FOCAD: variants seen among roughly 807,000 people sequenced by gnomAD.
FOCAD encodes focadhesin, also known as KIAA1797.
In FOCAD, 198 loss-of-function variants were observed where a neutral mutation model predicts 225.6. The ratio of observed to expected loss-of-function variants is 0.88; its 90% confidence interval spans 0.78 to 0.99. The LOEUF is 0.99. FOCAD is among the 50% of genes least tolerant of loss of function. FOCAD has a pLI of 0.00. For synonymous variants in FOCAD, 897 were observed against 755.0 expected (o/e 1.19, Z -3.08); for missense variants, 2,713 against 2,123.6 (o/e 1.28, Z -5.46).
At chr9:20,976,197 A>G (rs1047375765) in intron 35 of FOCAD, 3 of 249,320 alleles carry the variant, frequency 1.2e-5, no homozygotes, top group Non-Finnish European at 2.3e-5. Flanking sequence ...ATTATATATT[A>G]TTGAAAAATT....
intron 15 of FOCAD, among the ~76,000 whole-genome samples, chr9:20,827,400 A>G (rs1465730207): frequency 6.6e-6 from 1 of 152,074 alleles, no homozygotes; most frequent in Non-Finnish European, 1.5e-5. Context: ...ATTGTTGAAT[A>G]TTATTCTGTT....
intron 11 of FOCAD, among the ~76,000 whole-genome samples, chr9:20,802,037 A>G (rs1821897283): frequency 6.6e-6 from 1 of 152,140 alleles, no homozygotes; most frequent in Non-Finnish European, 1.5e-5. Context: ...AGTTAATGTA[A>G]TGAAGTTGGG....
intron 21 of FOCAD, among the ~76,000 whole-genome samples, chr9:20,888,634 C>G (rs981710921): frequency 2.0e-5 from 3 of 152,012 alleles, no homozygotes; most frequent in African/African-American, 7.3e-5. Flanking sequence ...TTGGCTACGT[C>G]CCCATCCAAA....
chr9:20,801,581 TA>T (rs1366807437), intron 11 of FOCAD, among the ~76,000 whole-genome samples: 8 of 152,140 alleles, frequency 5.3e-5, no homozygotes, highest in Non-Finnish European at 1.0e-4. Context: ...AAAGTCATAA[TA>T]GGGGCCATTT....
At chr9:20,795,858 G>A (rs1821032604) in intron 11 of FOCAD, among the ~76,000 whole-genome samples, 4 of 147,396 alleles carry the variant, frequency 2.7e-5, no homozygotes, top group South Asian at 4.4e-4. Context: ...TATACTTTAA[G>A]TTTTAGGGTT....
intron 2 of FOCAD, 78 bp from the exon 3 acceptor site, chr9:20,717,716 C>T (rs1197388192): frequency 1.8e-6 from 2 of 1,097,436 alleles, no homozygotes; most frequent in Non-Finnish European, 1.3e-6. Context: ...GACTGCCTGG[C>T]ATACTCATAT....
At chr9:20,786,154 GT>G (rs1197279732) in intron 10 of FOCAD, among the ~76,000 whole-genome samples, 2 of 151,958 alleles carry the variant, frequency 1.3e-5, no homozygotes, top group African/African-American at 4.8e-5. Flanking sequence ...CTTTCATTTT[GT>G]TTTCTTTCTT....
intron 22 of FOCAD, among the ~76,000 whole-genome samples, chr9:20,909,430 T>G (rs1336142774): frequency 1.1e-4 from 17 of 152,090 alleles, no homozygotes; most frequent in Admixed American, 1.1e-3. Context: ...CGGTTATTAA[T>G]TGTTATAATG....
upstream of FOCAD, among the ~76,000 whole-genome samples, chr9:20,656,296 C>A (rs1821473586): frequency 6.6e-6 from 1 of 151,804 alleles, no homozygotes; most frequent in Non-Finnish European, 1.5e-5. Flanking sequence ...ATTAGGTCTG[C>A]TTGGTGCAAA....
rs1411837386 is a variant in FOCAD at position 20,820,928 on chromosome 9, A to G, written c.1663-13A>G. Reference sequence around the variant, plus strand: ...GTTGGGAAACTACCTTTTTTGTAAAATTGCCTTCGTAGGACCGAGTCTATC... The same window carrying G: ...GTTGGGAAACTACCTTTTTTGTAAAGTTGCCTTCGTAGGACCGAGTCTATC... On this transcript the variant is annotated splice_polypyrimidine_tract_variant and intron_variant, in intron 13 of 43. Coordinates refer to ENST00000338382, the MANE Select transcript of FOCAD (RefSeq NM_001375567.1). 1.9e-6 allele frequency: 3 copies of G among 1,603,216 alleles called. No individual in the cohort carries two copies. The highest frequency in any genetic ancestry group is 3.5e-5 in the Admixed American group (2 of 57,692).
At chr9:20,839,247 A>ATTTC (rs1024465306) in intron 15 of FOCAD, among the ~76,000 whole-genome samples, 1 of 142,864 alleles carries the variant, frequency 7.0e-6, no homozygotes, top group African/African-American at 2.6e-5. Flanking sequence ...GCTTTATGGA[A>ATTTC]TTTCTTTCTT....
intron 24 of FOCAD, among the ~76,000 whole-genome samples, chr9:20,923,077 C>A (rs1249255876): frequency 2.0e-5 from 3 of 152,050 alleles, no homozygotes; most frequent in African/African-American, 7.2e-5. Flanking sequence ...TATCTGGGGT[C>A]TCCAAATTAT....
intron 5 of FOCAD, among the ~76,000 whole-genome samples, chr9:20,752,491 G>C (rs1587017269): frequency 6.6e-6 from 1 of 152,110 alleles, no homozygotes; most frequent in Admixed American, 6.5e-5. Context: ...TTATTTCTGA[G>C]AGCTCTGTTC....
intron 38 of FOCAD, among the ~76,000 whole-genome samples, chr9:20,981,942 C>G (rs1480624019): frequency 6.6e-6 from 1 of 152,078 alleles, no homozygotes; most frequent in Non-Finnish European, 1.5e-5. Flanking sequence ...GCGTTTTTAC[C>G]AAATGCCTCT....
chr9:20,979,938 A>T (rs1176982836), intron 37 of FOCAD, among the ~76,000 whole-genome samples: 1 of 152,178 alleles, frequency 6.6e-6, no homozygotes, highest in Non-Finnish European at 1.5e-5. Flanking sequence ...AAAGTGTAAA[A>T]TGTGATGAAT....
chr9:20,928,316 T>C (rs1835149835), intron 26 of FOCAD, among the ~76,000 whole-genome samples: 1 of 152,210 alleles, frequency 6.6e-6, no homozygotes, highest in Admixed American at 6.5e-5. Flanking sequence ...CTGGATCATT[T>C]TGAGTAACAT....
chr9:20,769,330 C>G (rs1168999849), intron 7 of FOCAD, among the ~76,000 whole-genome samples: 2 of 152,176 alleles, frequency 1.3e-5, no homozygotes, highest in African/African-American at 4.8e-5. Flanking sequence ...ACATAGGCTC[C>G]TGATTGAAGC....
At chr9:20,672,444 A>AATT (rs925562534) in intron 2 of FOCAD, among the ~76,000 whole-genome samples, 42 of 152,216 alleles carry the variant, frequency 2.8e-4, no homozygotes, top group Middle Eastern at 3.4e-3. Context: ...CTTAAAAATA[A>AATT]ATTATTATTA....
chr9:20,906,802 G>C (rs986153365), intron 21 of FOCAD, among the ~76,000 whole-genome samples: 1 of 152,096 alleles, frequency 6.6e-6, no homozygotes, highest in South Asian at 2.1e-4. Flanking sequence ...GGGTTTGTTA[G>C]ACAATGCCAA....
Sources: allele counts gnomAD v4.1 joint callset (sites outside exome capture counted in the v4.1 genomes callset), GRCh38; gene constraint gnomAD v4.1.1; transcripts MANE v1.5; gene names NCBI Gene and HGNC (gene_info 2026-07-23, HGNC 2026-07-21).